The following TSPAN2 variants were observed in gnomAD, a reference collection of about 807,000 sequenced individuals.
The protein encoded by TSPAN2 is tetraspanin-2.
In TSPAN2, 24 loss-of-function variants were observed where a neutral mutation model predicts 33.3. The ratio of observed to expected loss-of-function variants is 0.72; its 90% CI spans 0.52 to 1.01. The LOEUF (loss-of-function observed/expected upper bound fraction) is 1.01. Ranked by LOEUF, TSPAN2 falls within the 50% of genes least tolerant of loss-of-function variation. The pLI is 0.00. For synonymous variants in TSPAN2, 114 were observed against 104.5 expected, an observed-to-expected ratio of 1.09 and a Z score of -0.56; for missense variants, 278 against 281.3, an observed-to-expected ratio of 0.99 and a Z score of 0.08.
chr1:115,069,318 A>G (rs945519566), intron 2 of TSPAN2, among the ~76,000 whole-genome samples: 3 of 152,140 alleles, frequency 2.0e-5, no homozygotes, highest in Non-Finnish European at 2.9e-5. Context: ...GGGCTGACTC[A>G]CCTCCAGCTC....
At chr1:115,089,289 C>T in intron 1 of TSPAN2, 75 bp downstream of exon 1, 1 of 1,349,726 alleles carries the variant, frequency 7.4e-7, no homozygotes, top group East Asian at 2.8e-5. Context: ...CCGCAGTCAG[C>T]AGCTCGGGGA....
intron 2 of TSPAN2, 137 bp downstream of exon 2, chr1:115,072,768 G>A (rs1648231945): frequency 2.8e-6 from 2 of 711,818 alleles, no homozygotes; most frequent in African/African-American, 1.7e-5. Flanking sequence ...CAGGGGCTCA[G>A]AGGTGGCTCC....
chr1:115,085,669 A>C (rs1648805809), intron 1 of TSPAN2, among the ~76,000 whole-genome samples: 1 of 152,158 alleles, frequency 6.6e-6, no homozygotes, highest in African/African-American at 2.4e-5. Context: ...TCCAACCACA[A>C]AAAAACAACT....
At chr1:115,053,355 G>A (rs2101021300) in intron 7 of TSPAN2, 24 bp downstream of exon 7, 1 of 1,608,744 alleles carries the variant, frequency 6.2e-7, no homozygotes, top group Non-Finnish European at 8.5e-7. Context: ...AGGGCAAAAA[G>A]GGTAAGTTCT....
In TSPAN2 at chr1:115,089,242, T is replaced by G. The variant is rs1045945538; in HGVS notation, c.69+122A>C. The G allele has an allele frequency of 7.1e-5, 53 of 745,366 alleles. 1 individual carries two copies. The South Asian group carries it at 1.1e-3, about 16-fold the overall frequency. The allele number at this position is 745,366 out of a possible 1,614,324, so 46.2% of individuals were successfully genotyped here. A position where few individuals can be genotyped will look rare whatever the true frequency, so the allele number is the denominator to read the frequency against. The stretch of plus-strand genomic sequence containing the variant: ...TTTGCCTTCTCCTCGCCTCCGCGTT[T>G]GAGCACCCAGCCCTCCCCACGAGCG... On this transcript the variant is annotated intron_variant, in intron 1 of 7. Transcript: ENST00000369516.
intron 1 of TSPAN2, among the ~76,000 whole-genome samples, chr1:115,078,017 T>C (rs530773065): frequency 1.3e-5 from 2 of 152,322 alleles, no homozygotes; most frequent in East Asian, 3.9e-4. Flanking sequence ...TTAGGGAAGT[T>C]CTAGACAGCA....
intron 6 of TSPAN2, 69 bp from the exon 7 acceptor site, chr1:115,053,531 C>G: frequency 1.6e-6 from 2 of 1,278,104 alleles, no homozygotes; most frequent in South Asian, 2.5e-5. Flanking sequence ...TGATCCTATC[C>G]TTTCCATCTC....
intron 2 of TSPAN2, among the ~76,000 whole-genome samples, chr1:115,064,397 AT>A (rs1295870011): frequency 1.3e-5 from 2 of 152,210 alleles, no homozygotes; most frequent in Non-Finnish European, 2.9e-5. Context: ...TTGCTACATG[AT>A]GCCGTTTGCA....
intron 6 of TSPAN2, among the ~76,000 whole-genome samples, chr1:115,054,299 C>G (rs1450156045): frequency 6.6e-6 from 1 of 152,204 alleles, no homozygotes; most frequent in Non-Finnish European, 1.5e-5. Context: ...CCTTACTTCT[C>G]TCTTCGTATT....
chr1:115,063,271 C>T (rs189185583), intron 2 of TSPAN2, among the ~76,000 whole-genome samples: 112 of 152,276 alleles, frequency 7.4e-4, no homozygotes, highest in Admixed American at 2.5e-3. Flanking sequence ...AAGACATAAA[C>T]AGACAATTCT....
chr1:115,054,015 T>C (rs1317919848), intron 6 of TSPAN2, among the ~76,000 whole-genome samples: 1 of 152,196 alleles, frequency 6.6e-6, no homozygotes, highest in Non-Finnish European at 1.5e-5. Flanking sequence ...GTGGCTGGGC[T>C]GGGCTGTGCT....
At chr1:115,059,525 T>C (rs1647580188) in intron 4 of TSPAN2, among the ~76,000 whole-genome samples, 1 of 152,242 alleles carries the variant, frequency 6.6e-6, no homozygotes. Flanking sequence ...TCCGGACTTA[T>C]ACATTCCTGT....
chr1:115,081,082 C>T (rs1041564619), intron 1 of TSPAN2, among the ~76,000 whole-genome samples: 1 of 152,148 alleles, frequency 6.6e-6, no homozygotes, highest in African/African-American at 2.4e-5. Context: ...GGAACTAAGG[C>T]TAGATTAGAA....
rs1223021249 is a variant in TSPAN2 at position 115,048,847 on chromosome 1, C to G, written c.*1643G>C. On this transcript the variant is annotated 3_prime_UTR_variant, in exon 8 of 8. Transcript: ENST00000369516. ...GTTTTTAGCTTGCCTCAAATATGACCTTTGTTCTTCTAGAAAAATTTCCTC... is the reference window on the plus strand; with the variant it reads ...GTTTTTAGCTTGCCTCAAATATGACGTTTGTTCTTCTAGAAAAATTTCCTC... The G allele has an allele frequency of 6.6e-6, 1 of 152,114 alleles. No individual in the cohort carries two copies. 9.4% of individuals were successfully genotyped at this position (152,114 alleles called of 1,614,324 possible).
At chr1:115,083,193 C>T (rs1648695219) in intron 1 of TSPAN2, among the ~76,000 whole-genome samples, 1 of 152,182 alleles carries the variant, frequency 6.6e-6, no homozygotes, top group Admixed American at 6.5e-5. Context: ...AGTATAGCAT[C>T]ACTTGTTTTA....
At chr1:115,076,840 C>T (rs558558000) in intron 1 of TSPAN2, among the ~76,000 whole-genome samples, 7 of 152,248 alleles carry the variant, frequency 4.6e-5, no homozygotes, top group African/African-American at 1.7e-4. Context: ...GAATCCAACC[C>T]TGCAGGTGGG....
rs989162283 is a variant in TSPAN2 at position 115,060,608 on chromosome 1, T to C, written c.271-70A>G. The C allele has an allele frequency of 4.1e-6, 5 of 1,228,932 alleles. No individual in the cohort carries two copies. The African/African-American group carries it at 6.1e-5, about 15-fold the overall frequency. 76.1% of individuals were successfully genotyped at this position (1,228,932 alleles called of 1,614,324 possible). ...TCAATTTATATATTTTGCACCTTAG[T>C]TTCCTTATGTAATGGCTGAATCGCT... On this transcript the variant is annotated intron_variant, in intron 3 of 7. Coordinates refer to ENST00000369516, the MANE Select transcript of TSPAN2 (RefSeq NM_005725.6).
chr1:115,065,200 T>C (rs1342089479), intron 2 of TSPAN2, among the ~76,000 whole-genome samples: 7 of 152,116 alleles, frequency 4.6e-5, no homozygotes, highest in Non-Finnish European at 1.0e-4. Context: ...AGAGGAAAGG[T>C]TCCCTGGGCG....
At chr1:115,085,733 G>A (rs1648808109) in intron 1 of TSPAN2, among the ~76,000 whole-genome samples, 1 of 152,070 alleles carries the variant, frequency 6.6e-6, no homozygotes, top group African/African-American at 2.4e-5. Context: ...TTACAGTGAA[G>A]GCAGATATCT....
Sources: allele counts gnomAD v4.1 joint callset (sites outside exome capture counted in the v4.1 genomes callset), GRCh38; gene constraint gnomAD v4.1.1; transcripts MANE v1.5; gene names NCBI Gene and HGNC (gene_info 2026-07-23, HGNC 2026-07-21).